The following JMJD1C variants were observed in gnomAD, a reference collection of about 807,000 sequenced individuals.
JMJD1C encodes the protein jumonji domain containing 1C.
In JMJD1C, 31 loss-of-function variants were observed where a neutral mutation model predicts 245.3. That is an observed-to-expected ratio of 0.13 (90% CI 0.09 to 0.17). The LOEUF (loss-of-function observed/expected upper bound fraction) is 0.17, where lower values mean the gene tolerates loss of function less well. Among genes scored for constraint, JMJD1C ranks in the 10% least tolerant of loss-of-function variants. The pLI is 1.00. For missense variants in JMJD1C, 2,691 were observed against 3,000.2 expected, an observed-to-expected ratio of 0.90 and a Z score of 2.41; for synonymous variants, 1,057 against 1,017.4, an observed-to-expected ratio of 1.04 and a Z score of -0.74.
intron 16 of JMJD1C, among the ~76,000 whole-genome samples, chr10:63,191,709 G>C (rs1844823598): frequency 6.6e-6 from 1 of 152,058 alleles, no homozygotes; most frequent in Admixed American, 6.6e-5. Flanking sequence ...AAGTGGCCGG[G>C]CGCGGTGGCT....
chr10:63,383,219 A>T (rs1480628472), intron 1 of JMJD1C, among the ~76,000 whole-genome samples: 1 of 188 alleles, frequency 5.3e-3, no homozygotes, highest in Non-Finnish European at 0.026. Context: ...AGCTTCTTTA[A>T]AAAAAAAAAA....
rs532983054 is a variant in JMJD1C, at chr10:63,217,285, G to C, written c.600C>G (p.Asp200Glu). The part of the protein sequence containing the change: ...NGYRVRVYRQ[D>E]SATQWFTGII... ...TGCCAGTAAACCACTGGGTGGCAGA[G>C]TCTTGTCTATATACTCTCACTCTGT... Residue 200 changes from aspartate (D) to glutamate (E), a missense_variant, in exon 5 of 26, where the codon GAC becomes GAG. Physicochemically the swap from Asp to Glu is conservative, Grantham distance 45 (BLOSUM62 2). This residue lies in a region of JMJD1C where 172 missense variants were observed against 240.8 expected (regional missense o/e 0.71). Coordinates refer to ENST00000399262, the MANE Select transcript of JMJD1C (RefSeq NM_032776.3). 6.2e-7 allele frequency: 1 copy of C among 1,610,928 alleles called. No homozygotes were observed. Among genetic ancestry groups the C allele is most frequent in the African/African-American group, 1.3e-5 (1 of 74,918 alleles).
At chr10:63,216,217 C>G (rs566765347) in intron 5 of JMJD1C, among the ~76,000 whole-genome samples, 52 of 152,270 alleles carry the variant, frequency 3.4e-4, no homozygotes, top group African/African-American at 1.2e-3. Context: ...GTAACACTTA[C>G]TTAGCATTTT....
chr10:63,348,205 CA>C (rs35674300), intron 2 of JMJD1C, among the ~76,000 whole-genome samples: 20,018 of 129,588 alleles, frequency 0.15, 2,593 homozygotes, highest in African/African-American at 0.39. Flanking sequence ...GACTTCATCT[CA>C]AAAAAAAAAA....
At chr10:63,433,832 C>CA (rs1950915578) in intron 1 of JMJD1C, among the ~76,000 whole-genome samples, 1 of 150,146 alleles carries the variant, frequency 6.7e-6, no homozygotes, top group Non-Finnish European at 1.5e-5. Flanking sequence ...CCTCCCACCT[C>CA]AGTCTCCCAA....
intron 1 of JMJD1C, among the ~76,000 whole-genome samples, chr10:63,433,586 C>CTTTTTT (rs539696706): frequency 9.2e-5 from 8 of 86,842 alleles, no homozygotes; most frequent in African/African-American, 1.3e-4. Flanking sequence ...CTTTTCTTTT[C>CTTTTTT]TTTTTTTTTT....
intron 2 of JMJD1C, among the ~76,000 whole-genome samples, chr10:63,355,745 A>T (rs1944783799): frequency 6.8e-6 from 1 of 146,164 alleles, no homozygotes; most frequent in Non-Finnish European, 1.5e-5. Flanking sequence ...GTTACTTATT[A>T]AAAAAAAAAA....
chr10:63,452,745 A>T (rs1238090383), intron 1 of JMJD1C, among the ~76,000 whole-genome samples: 1 of 152,192 alleles, frequency 6.6e-6, no homozygotes. Context: ...CATAAAAAAG[A>T]AGTGAAGTTA....
intron 1 of JMJD1C, among the ~76,000 whole-genome samples, chr10:63,421,141 CCTGA>C (rs1239112779): frequency 3.3e-5 from 5 of 152,096 alleles, no homozygotes; most frequent in Non-Finnish European, 5.9e-5. Flanking sequence ...TCGAGACCAG[CCTGA>C]CTAACATGGT....
chr10:63,235,745 G>A (rs1256035663), intron 3 of JMJD1C, among the ~76,000 whole-genome samples: 5 of 152,056 alleles, frequency 3.3e-5, no homozygotes, highest in African/African-American at 1.2e-4. Flanking sequence ...CAGCTAGAAG[G>A]CAAATCAGCA....
chr10:63,368,152 T>C (rs2134410013), intron 2 of JMJD1C, among the ~76,000 whole-genome samples: 1 of 152,346 alleles, frequency 6.6e-6, no homozygotes, highest in Middle Eastern at 3.4e-3. Context: ...ATCAGGATTC[T>C]GGACCCAAAA....
intron 3 of JMJD1C, among the ~76,000 whole-genome samples, chr10:63,258,978 C>G (rs1248312989): frequency 6.6e-6 from 1 of 152,190 alleles, no homozygotes; most frequent in Non-Finnish European, 1.5e-5. Flanking sequence ...CTAATAAATA[C>G]TGTACCAGGT....
At chr10:63,507,644 CAAA>C (rs34738955) in intron 1 of JMJD1C, among the ~76,000 whole-genome samples, 13 of 58,768 alleles carry the variant, frequency 2.2e-4, no homozygotes, top group South Asian at 1.4e-3. Context: ...GACTCTGTCT[CAAA>C]AAAAAAAAAA....
chr10:63,209,092 C>T lies in JMJD1C; in HGVS notation c.2838G>A (p.Leu946=), dbSNP rs766538443. The change falls in exon 9 of 26, where the codon TTG becomes TTA. Residue 946 remains leucine (L), a synonymous_variant. Transcript: ENST00000399262. The part of the protein sequence containing the change: ...LKITAHSSPP[L]TKTLVDHHKE... ...TATGATGATCTACTAAAGTTTTTGT[C>T]AATGGTGGACTGGAATGGGCTGTAA... The T allele has an allele frequency of 1.2e-4, 199 of 1,613,116 alleles. No individual in the cohort carries two copies. Among genetic ancestry groups the T allele is most frequent in the Admixed American group, 8.4e-5 (5 of 59,844 alleles).
intron 1 of JMJD1C, among the ~76,000 whole-genome samples, chr10:63,464,345 G>A (rs1953026175): frequency 6.6e-6 from 1 of 151,954 alleles, no homozygotes; most frequent in African/African-American, 2.4e-5. Context: ...AACACACTCA[G>A]AAACTATTAA....
intron 3 of JMJD1C, among the ~76,000 whole-genome samples, chr10:63,226,801 T>C (rs1470816714): frequency 6.6e-6 from 1 of 150,940 alleles, no homozygotes; most frequent in Non-Finnish European, 1.5e-5. Flanking sequence ...CTCATGCCTG[T>C]AATCCCAGCA....
At chr10:63,279,273 T>C (rs185737437) in intron 2 of JMJD1C, among the ~76,000 whole-genome samples, 19 of 152,138 alleles carry the variant, frequency 1.2e-4, no homozygotes, top group Admixed American at 7.9e-4. Context: ...ACAAATTACA[T>C]AGTGATTTAA....
chr10:63,320,381 T>C (rs1940705783), intron 2 of JMJD1C, among the ~76,000 whole-genome samples: 1 of 152,194 alleles, frequency 6.6e-6, no homozygotes, highest in African/African-American at 2.4e-5. Flanking sequence ...ATATTATTTT[T>C]CTTTCCTTTG....
At chr10:63,502,467 G>A (rs1270557644) in intron 1 of JMJD1C, among the ~76,000 whole-genome samples, 3 of 151,748 alleles carry the variant, frequency 2.0e-5, no homozygotes, top group Admixed American at 1.3e-4. Flanking sequence ...TGAAACCCCC[G>A]TCTCTAATAA....
Sources: gnomAD v4.1 joint callset for allele counts (sites outside exome capture counted in the v4.1 genomes callset) on GRCh38, gnomAD v4.1.1 for gene constraint, gnomAD v4.1.1 regional missense constraint, MANE v1.5 for transcripts, NCBI Gene and HGNC (gene_info 2026-07-23, HGNC 2026-07-21) for gene names.